The following GRM7 variants were observed in gnomAD, a reference collection of about 807,000 sequenced individuals.
GRM7 encodes metabotropic glutamate receptor 7.
In GRM7, 35 loss-of-function variants were observed where a neutral mutation model predicts 84.5. The ratio of observed to expected loss-of-function variants is 0.41; its 90% CI spans 0.32 to 0.55. GRM7 has a LOEUF of 0.55. Ranked by LOEUF, GRM7 falls within the 20% of genes least tolerant of loss-of-function variation. The pLI, the probability that GRM7 is intolerant of heterozygous loss-of-function variation, is 0.19. For synonymous variants in GRM7, 487 were observed against 455.1 expected (o/e 1.07, Z -0.89); for missense variants, 1,003 against 1,194.6 (o/e 0.84, Z 2.36).
At chr3:7,307,602 T>G (rs1365659735) in intron 4 of GRM7, among the ~76,000 whole-genome samples, 3 of 152,198 alleles carry the variant, frequency 2.0e-5, no homozygotes, top group Non-Finnish European at 4.4e-5. Flanking sequence ...ACTGTTTCCT[T>G]TCTGTTATCT....
chr3:7,370,255 T>C (rs559529485), intron 4 of GRM7, among the ~76,000 whole-genome samples: 1 of 152,320 alleles, frequency 6.6e-6, no homozygotes, highest in South Asian at 2.1e-4. Context: ...AGATCCCCAA[T>C]GCCCATCAGT....
chr3:7,243,780 T>C (rs1697652185), intron 2 of GRM7, among the ~76,000 whole-genome samples: 1 of 152,140 alleles, frequency 6.6e-6, no homozygotes, highest in African/African-American at 2.4e-5. Context: ...CACCCCTAGA[T>C]GACATGCCTA....
intron 4 of GRM7, among the ~76,000 whole-genome samples, chr3:7,382,851 C>T (rs980733214): frequency 6.6e-6 from 1 of 152,194 alleles, no homozygotes; most frequent in Non-Finnish European, 1.5e-5. Flanking sequence ...AACTACATTG[C>T]ACAATCTCAG....
intron 4 of GRM7, among the ~76,000 whole-genome samples, chr3:7,343,619 A>C (rs1281455238): frequency 6.6e-6 from 1 of 152,184 alleles, no homozygotes; most frequent in Non-Finnish European, 1.5e-5. Flanking sequence ...CAGAAAAGCC[A>C]ACACTTGTCA....
intron 9 of GRM7, among the ~76,000 whole-genome samples, chr3:7,714,474 T>C (rs1357537104): frequency 7.9e-5 from 12 of 152,182 alleles, no homozygotes; most frequent in Non-Finnish European, 1.5e-5. Context: ...CTACATTGAA[T>C]GTTTGGATTG....
intron 1 of GRM7, among the ~76,000 whole-genome samples, chr3:7,110,020 A>G (rs1559447414): frequency 6.6e-6 from 1 of 152,128 alleles, no homozygotes. Context: ...GTACTTCAGT[A>G]CATTTCTAAC....
At chr3:7,252,480 G>T (rs954153243) in intron 2 of GRM7, among the ~76,000 whole-genome samples, 1 of 152,096 alleles carries the variant, frequency 6.6e-6, no homozygotes, top group Non-Finnish European at 1.5e-5. Flanking sequence ...TTGAGAATCT[G>T]ATGGGTGCTA....
At chr3:6,967,225 G>C (rs1358573869) in intron 1 of GRM7, among the ~76,000 whole-genome samples, 1 of 151,984 alleles carries the variant, frequency 6.6e-6, no homozygotes, top group Non-Finnish European at 1.5e-5. Flanking sequence ...GTCTGGCTCT[G>C]CCACCCAGGC....
chr3:7,122,484 A>C (rs962649957), intron 1 of GRM7, among the ~76,000 whole-genome samples: 15 of 152,328 alleles, frequency 9.8e-5, no homozygotes, highest in South Asian at 2.1e-4. Flanking sequence ...AATATTAAAA[A>C]TTAATTAAAA....
chr3:7,270,311 C>T lies in GRM7; in HGVS notation c.737-28373C>T, dbSNP rs150109570. 1.9e-3 allele frequency among the ~76,000 whole-genome samples: 293 copies of T among 152,216 alleles called. 1 individual carries two copies. The highest frequency in any genetic ancestry group is 6.4e-3 in the African/African-American group (267 of 41,506). ...ATGGTTTTGATAACTGACTAGTGCTCCACTAGAGTCTAGCTAGACTGTAAC... is the reference window on the plus strand; with the variant it reads ...ATGGTTTTGATAACTGACTAGTGCTTCACTAGAGTCTAGCTAGACTGTAAC... On this transcript the variant is annotated intron_variant, in intron 2 of 9. Transcript: ENST00000357716.
intron 2 of GRM7, among the ~76,000 whole-genome samples, chr3:7,162,381 G>A (rs565872890): frequency 9.2e-5 from 14 of 152,196 alleles, no homozygotes; most frequent in African/African-American, 3.4e-4. Context: ...AAAACAAGGA[G>A]TTAAAGTGTC....
At chr3:7,218,048 A>T (rs1022374538) in intron 2 of GRM7, among the ~76,000 whole-genome samples, 1 of 152,080 alleles carries the variant, frequency 6.6e-6, no homozygotes, top group Admixed American at 6.5e-5. Flanking sequence ...GTTAAATAAC[A>T]AGGTTATCTT....
chr3:7,210,066 A>G (rs1309370031), intron 2 of GRM7, among the ~76,000 whole-genome samples: 1 of 152,176 alleles, frequency 6.6e-6, no homozygotes, highest in Non-Finnish European at 1.5e-5. Flanking sequence ...TGTTCAGTCT[A>G]TCTAGGAGAC....
chr3:7,276,231 G>T (rs1699050083), intron 2 of GRM7, among the ~76,000 whole-genome samples: 1 of 151,256 alleles, frequency 6.6e-6, no homozygotes, highest in Non-Finnish European at 1.5e-5. Context: ...GTGTGTGTGT[G>T]TGTGTGTGTG....
intron 2 of GRM7, among the ~76,000 whole-genome samples, chr3:7,206,065 G>A (rs1338100968): frequency 2.0e-5 from 3 of 152,148 alleles, no homozygotes; most frequent in Non-Finnish European, 4.4e-5. Context: ...CCTCTGTCAT[G>A]CCATTACTGT....
chr3:7,137,108 C>T (rs182704838), intron 1 of GRM7, among the ~76,000 whole-genome samples: 2 of 152,070 alleles, frequency 1.3e-5, no homozygotes, highest in East Asian at 1.9e-4. Context: ...AATTCAACCA[C>T]CACAATACAT....
At chr3:7,673,438 A>C (rs1700004781) in intron 8 of GRM7, among the ~76,000 whole-genome samples, 1 of 152,072 alleles carries the variant, frequency 6.6e-6, no homozygotes, top group African/African-American at 2.4e-5. Flanking sequence ...TGCCATTCAA[A>C]AGTTTCCCAT....
intron 1 of GRM7, among the ~76,000 whole-genome samples, chr3:7,080,322 T>G (rs1306056643): frequency 1.3e-5 from 2 of 152,032 alleles, no homozygotes; most frequent in African/African-American, 4.8e-5. Context: ...AGAGTTTCCC[T>G]TTCACATTTG....
At chr3:7,635,469 T>G (rs1698051836) in intron 8 of GRM7, among the ~76,000 whole-genome samples, 1 of 152,288 alleles carries the variant, frequency 6.6e-6, no homozygotes, top group African/African-American at 2.4e-5. Flanking sequence ...TAATTAACTG[T>G]TCAAGATGAT....
Sources: allele counts gnomAD v4.1 joint callset (sites outside exome capture counted in the v4.1 genomes callset), GRCh38; gene constraint gnomAD v4.1.1; transcripts MANE v1.5; gene names NCBI Gene and HGNC (gene_info 2026-07-23, HGNC 2026-07-21).